SLC16A7: variants seen among roughly 807,000 people sequenced by gnomAD.
SLC16A7 encodes monocarboxylate transporter 2.
In SLC16A7, 33 loss-of-function variants were observed where a neutral mutation model predicts 34.9. The observed-to-expected ratio is 0.94, with a 90% CI of 0.72 to 1.26. The LOEUF is 1.26. Among genes scored for constraint, SLC16A7 ranks in the 50% most tolerant of loss-of-function variants. The probability of loss-of-function intolerance (pLI) is 0.00; values close to 1 mark genes in which losing one functional copy is unlikely to be tolerated. For missense variants in SLC16A7, 573 were observed against 578.1 expected, an observed-to-expected ratio of 0.99 and a Z score of 0.09; for synonymous variants, 201 against 206.6, an observed-to-expected ratio of 0.97 and a Z score of 0.23.
intron 1 of SLC16A7, among the ~76,000 whole-genome samples, chr12:59,626,481 T>C (rs1326010718): frequency 6.6e-6 from 1 of 151,828 alleles, no homozygotes; most frequent in Non-Finnish European, 1.5e-5. Context: ...GGACTAATGC[T>C]ATAATTCTCT....
At chr12:59,614,684 C>T (rs536802367) in intron 1 of SLC16A7, among the ~76,000 whole-genome samples, 16 of 151,410 alleles carry the variant, frequency 1.1e-4, no homozygotes, top group Non-Finnish European at 2.1e-4. Flanking sequence ...GAGTCAGGCC[C>T]TTATATAAAT....
chr12:59,761,397 A>C (rs1880998497), intron 3 of SLC16A7, among the ~76,000 whole-genome samples: 1 of 152,102 alleles, frequency 6.6e-6, no homozygotes, highest in Non-Finnish European at 1.5e-5. Flanking sequence ...ATAAAATCTC[A>C]ATGCATTTAT....
intron 4 of SLC16A7, among the ~76,000 whole-genome samples, chr12:59,771,608 G>A (rs902442685): frequency 1.3e-5 from 2 of 151,978 alleles, no homozygotes; most frequent in African/African-American, 2.4e-5. Context: ...AAAGAAAACA[G>A]CTTTAGTTTG....
At chr12:59,638,815 G>T (rs1451197065) in intron 1 of SLC16A7, among the ~76,000 whole-genome samples, 3 of 152,074 alleles carry the variant, frequency 2.0e-5, no homozygotes, top group African/African-American at 7.2e-5. Flanking sequence ...CTATTAACAT[G>T]TGAGTTGCAT....
chr12:59,723,604 A>G (rs990697246), intron 3 of SLC16A7, among the ~76,000 whole-genome samples: 2 of 152,022 alleles, frequency 1.3e-5, no homozygotes, highest in Admixed American at 1.3e-4. Context: ...AAATGTTTAG[A>G]AAGAAACAGC....
chr12:59,687,775 A>G (rs1327985079), intron 2 of SLC16A7, among the ~76,000 whole-genome samples: 1 of 152,074 alleles, frequency 6.6e-6, no homozygotes, highest in African/African-American at 2.4e-5. Flanking sequence ...TTTGGAAAGC[A>G]AGGACTGCTA....
chr12:59,609,287 A>G (rs1031807162), intron 1 of SLC16A7, among the ~76,000 whole-genome samples: 6 of 152,248 alleles, frequency 3.9e-5, no homozygotes, highest in African/African-American at 1.4e-4. Flanking sequence ...GTCCGTTTGT[A>G]CCAAAGAACC....
In SLC16A7 at chr12:59,694,643, A is replaced by AT. The variant is rs534104139; in HGVS notation, c.-30-10125dup. Among the ~76,000 whole-genome samples, 210 of 151,998 alleles carry AT rather than the reference A, an allele frequency of 1.4e-3. 1 individual carries two copies. The highest frequency in any genetic ancestry group is 6.8e-3 in the Middle Eastern group (2 of 294). Reference sequence around the variant, plus strand: ...CTCTAAGATCTATTCATCTTGCATAATTTTATCTTTGTTTCTTTGACTAAT... The same window carrying AT: ...CTCTAAGATCTATTCATCTTGCATAATTTTTATCTTTGTTTCTTTGACTAAT... On this transcript the variant is annotated intron_variant, in intron 2 of 5. Transcript: ENST00000547379.
In SLC16A7 at chr12:59,774,727, C is replaced by T; in HGVS notation, c.432C>T (p.Pro144=). The stretch of plus-strand genomic sequence containing the variant: ...GCAAATACTTCTATAGGAAGCGACC[C>T]ATGGCAAATGGATTGGCCATGGCAG... ...IIGKYFYRKR[P]MANGLAMAGS... The change falls in exon 5 of 6, where the codon CCC becomes CCT. Residue 144 remains proline, a synonymous_variant. Transcript: ENST00000547379. The T allele has an allele frequency of 6.2e-7, 1 of 1,613,646 alleles. No individual in the cohort carries two copies. The highest frequency in any genetic ancestry group is 1.3e-5 in the African/African-American group (1 of 75,004).
intron 1 of SLC16A7, among the ~76,000 whole-genome samples, chr12:59,606,501 G>T (rs964180894): frequency 2.6e-5 from 4 of 152,104 alleles, no homozygotes; most frequent in Non-Finnish European, 4.4e-5. Context: ...CTGTGTGTTT[G>T]CTGTTTTATA....
intron 3 of SLC16A7, among the ~76,000 whole-genome samples, chr12:59,743,957 G>T (rs1878611799): frequency 6.6e-6 from 1 of 152,156 alleles, no homozygotes; most frequent in African/African-American, 2.4e-5. Context: ...AATACTGAAT[G>T]AAAGTCACTT....
chr12:59,625,834 A>T (rs1879902691), intron 1 of SLC16A7, among the ~76,000 whole-genome samples: 2 of 151,804 alleles, frequency 1.3e-5, no homozygotes, highest in African/African-American at 2.4e-5. Flanking sequence ...AAATATGCCT[A>T]ATACACATGG....
At chr12:59,720,203 A>G (rs1297343191) in intron 3 of SLC16A7, 2 of 620,592 alleles carry the variant, frequency 3.2e-6, no homozygotes, top group East Asian at 5.9e-5. Flanking sequence ...TTCCTAAGTT[A>G]TTGTTAATTG....
rs149349414 is a variant in SLC16A7 at position 59,697,318 on chromosome 12, G to T, written c.-30-7454G>T. Among the ~76,000 whole-genome samples the T allele has an allele frequency of 5.7e-3, 868 of 152,122 alleles. 7 individuals carry two copies. Among genetic ancestry groups the T allele is most frequent in the Middle Eastern group, 0.034 (10 of 294 alleles). ...GAACCATTAACGAAAGAACACTTGT[G>T]CATTAAAATATGTCTGGGGATATGA... On this transcript the variant is annotated intron_variant, in intron 2 of 5. Coordinates refer to ENST00000547379, the MANE Select transcript of SLC16A7 (RefSeq NM_001270623.2).
chr12:59,704,666 A>G lies in SLC16A7; in HGVS notation c.-30-106A>G. On this transcript the variant is annotated intron_variant, in intron 2 of 5. Transcript: ENST00000547379. ...AAGAGTGTGAAAAATATTCATGAAA[A>G]ATCATATTGTAGTTTTAACTGGAAA... The G allele has an allele frequency of 6.4e-6, 4 of 620,506 alleles. No individual in the cohort carries two copies. The East Asian group carries it at 1.1e-4, about 17-fold the overall frequency. 38.4% of individuals were successfully genotyped at this position (620,506 alleles called of 1,614,324 possible). A position where few individuals can be genotyped will look rare whatever the true frequency, so the allele number is the denominator to read the frequency against.
In SLC16A7 at chr12:59,728,613, T is replaced by C. The variant is rs139171974; in HGVS notation, c.217+23595T>C. On this transcript the variant is annotated intron_variant, in intron 3 of 5. Coordinates refer to ENST00000547379, the MANE Select transcript of SLC16A7 (RefSeq NM_001270623.2). ...GGTGGAGCATGGCTATAGTCCTAGC[T>C]ACTCAGGAGGCTGAAGTGGGAGGAT... Among the ~76,000 whole-genome samples the C allele has an allele frequency of 3.4e-3, 525 of 152,294 alleles. 2 individuals are homozygous for C. The highest frequency in any genetic ancestry group is 3.8e-3 in the Non-Finnish European group (260 of 68,024).
intron 1 of SLC16A7, among the ~76,000 whole-genome samples, chr12:59,644,231 G>A (rs1880809721): frequency 6.6e-6 from 1 of 152,128 alleles, no homozygotes; most frequent in Non-Finnish European, 1.5e-5. Context: ...TTTGCCGGAT[G>A]TTAACGACAA....
intron 3 of SLC16A7, among the ~76,000 whole-genome samples, chr12:59,746,337 AT>A (rs1321175917): frequency 6.6e-6 from 1 of 152,212 alleles, no homozygotes; most frequent in East Asian, 1.9e-4. Context: ...GCCAAAGCAG[AT>A]TTTATTTCAG....
intron 2 of SLC16A7, among the ~76,000 whole-genome samples, chr12:59,676,844 C>A (rs1029863451): frequency 6.6e-6 from 1 of 151,912 alleles, no homozygotes; most frequent in Non-Finnish European, 1.5e-5. Flanking sequence ...ACTTAAAAAT[C>A]TTTCATTAAA....
Sources: gnomAD v4.1 joint callset for allele counts (sites outside exome capture counted in the v4.1 genomes callset) on GRCh38, gnomAD v4.1.1 for gene constraint, MANE v1.5 for transcripts, NCBI Gene and HGNC (gene_info 2026-07-23, HGNC 2026-07-21) for gene names.